DCAF12: variants seen among roughly 807,000 people sequenced by gnomAD.
The protein encoded by DCAF12 is DDB1- and CUL4-associated factor 12.
In DCAF12, 28 loss-of-function variants were observed where a neutral mutation model predicts 52.8. The observed-to-expected ratio is 0.53, with a 90% CI of 0.39 to 0.73. The LOEUF (loss-of-function observed/expected upper bound fraction) is 0.73. DCAF12 is among the 30% of genes least tolerant of loss of function. DCAF12 has a pLI of 0.00. For synonymous variants in DCAF12, 196 were observed against 215.5 expected, an observed-to-expected ratio of 0.91 and a Z score of 0.79; for missense variants, 425 against 552.2, an observed-to-expected ratio of 0.77 and a Z score of 2.31.
At chr9:34,114,659 G>A (rs1280770318) in intron 2 of DCAF12, among the ~76,000 whole-genome samples, 3 of 152,118 alleles carry the variant, frequency 2.0e-5, no homozygotes, top group African/African-American at 4.8e-5. Context: ...AACTAGCAGC[G>A]CGGCAAGGTA....
At chr9:34,091,749 C>T (rs968746443) in intron 7 of DCAF12, among the ~76,000 whole-genome samples, 1 of 151,696 alleles carries the variant, frequency 6.6e-6, no homozygotes, top group Non-Finnish European at 1.5e-5. Context: ...CTGCAATCCA[C>T]AGTGTGCCTT....
At chr9:34,092,461 G>A (rs1413768694) in intron 7 of DCAF12, among the ~76,000 whole-genome samples, 2 of 152,180 alleles carry the variant, frequency 1.3e-5, no homozygotes, top group African/African-American at 2.4e-5. Context: ...GCCGAGGTGG[G>A]TGGATCACAA....
chr9:34,111,483 T>C (rs1211206900), intron 2 of DCAF12, among the ~76,000 whole-genome samples: 1 of 152,238 alleles, frequency 6.6e-6, no homozygotes, highest in Non-Finnish European at 1.5e-5. Flanking sequence ...CATAAAGCTA[T>C]TAACTCTCTC....
At position 34,089,608 on chromosome 9, in the gene DCAF12, A is replaced by T. The variant is rs1828613554; in HGVS notation, c.1025-18T>A. 1 of 1,590,748 alleles carries T rather than the reference A, an allele frequency of 6.3e-7. No homozygotes were observed. Among genetic ancestry groups the T allele is most frequent in the Non-Finnish European group, 8.6e-7 (1 of 1,165,896 alleles). ...CCGGATTCCTGAAAGACAGAAAAGT[A>T]AAAGGCAGTGAGGCGGGAGAGAATA... On this transcript the variant is annotated intron_variant, in intron 7 of 8. Transcript: ENST00000361264.
At chr9:34,097,846 T>A (rs1200287427) in intron 5 of DCAF12, among the ~76,000 whole-genome samples, 1 of 151,660 alleles carries the variant, frequency 6.6e-6, no homozygotes, top group Non-Finnish European at 1.5e-5. Flanking sequence ...GGCAGAAGAA[T>A]TGCTTGAACC....
At chr9:34,120,683 A>C (rs1394932696) in intron 2 of DCAF12, among the ~76,000 whole-genome samples, 1 of 151,490 alleles carries the variant, frequency 6.6e-6, no homozygotes, top group Non-Finnish European at 1.5e-5. Flanking sequence ...AAAAAAAAAA[A>C]AAAAGAAAAC....
intron 2 of DCAF12, among the ~76,000 whole-genome samples, chr9:34,116,995 T>C (rs892886700): frequency 2.6e-5 from 4 of 152,122 alleles, no homozygotes; most frequent in African/African-American, 4.8e-5. Flanking sequence ...CAATCATCAA[T>C]CAGTCCACGT....
intron 2 of DCAF12, among the ~76,000 whole-genome samples, chr9:34,115,892 C>G (rs760726475): frequency 6.6e-6 from 1 of 152,084 alleles, no homozygotes; most frequent in African/African-American, 2.4e-5. Context: ...ATACCTTTAA[C>G]GGCGATAAGG....
At chr9:34,119,902 A>ACAT (rs1337693486) in intron 2 of DCAF12, among the ~76,000 whole-genome samples, 1 of 151,828 alleles carries the variant, frequency 6.6e-6, no homozygotes, top group Non-Finnish European at 1.5e-5. Context: ...GGGTCTCACT[A>ACAT]CATTGCCCAG....
At chr9:34,096,695 A>T (rs781307744) in intron 6 of DCAF12, 21 bp downstream of exon 6, 10 of 1,610,164 alleles carry the variant, frequency 6.2e-6, no homozygotes, top group Non-Finnish European at 8.5e-6. Context: ...AGGTAAAACC[A>T]CAAAATCATG....
chr9:34,097,331 G>A (rs574218993), intron 5 of DCAF12, among the ~76,000 whole-genome samples: 8 of 144,948 alleles, frequency 5.5e-5, no homozygotes, highest in Non-Finnish European at 1.0e-4. Flanking sequence ...GCGCAATTTC[G>A]GCTCACTGCC....
In DCAF12 at chr9:34,089,336, A is replaced by C; in HGVS notation, c.1203+76T>G. On this transcript the variant is annotated intron_variant, in intron 8 of 8. Transcript: ENST00000361264. Reference sequence around the variant, plus strand: ...AAAAAGTATGAGTAGATGGTGTGTCAGTGGGGGCTGAGAGATAGAGGAAGA... The same window carrying C: ...AAAAAGTATGAGTAGATGGTGTGTCCGTGGGGGCTGAGAGATAGAGGAAGA... The C allele has an allele frequency of 2.1e-6, 3 of 1,431,756 alleles. No homozygotes were observed. The Admixed American group carries it at 6.3e-5, about 30-fold the overall frequency. 88.7% of individuals were successfully genotyped at this position (1,431,756 alleles called of 1,614,324 possible). A position where few individuals can be genotyped will look rare whatever the true frequency, so the allele number is the denominator to read the frequency against.
chr9:34,101,150 T>C (rs2131431374), intron 4 of DCAF12, among the ~76,000 whole-genome samples: 1 of 151,230 alleles, frequency 6.6e-6, no homozygotes, highest in South Asian at 2.1e-4. Flanking sequence ...TGGCTCATTG[T>C]AGCCTCAACC....
chr9:34,099,340 G>A (rs193088320), intron 4 of DCAF12, among the ~76,000 whole-genome samples: 44 of 152,010 alleles, frequency 2.9e-4, no homozygotes, highest in African/African-American at 9.9e-4. Context: ...AGGTTCAAGC[G>A]ATTCTCCTGC....
In DCAF12 at chr9:34,093,477, G is replaced by C. The variant is rs761190056; in HGVS notation, c.862-29C>G. The stretch of plus-strand genomic sequence containing the variant: ...AAAATAGAGGAGAGATATAACCATG[G>C]CATCAGCAGAGAGGGTAAGGCAGGG... On this transcript the variant is annotated intron_variant, in intron 6 of 8. Transcript: ENST00000361264. 4.0e-5 allele frequency: 64 copies of C among 1,610,536 alleles called. No individual in the cohort carries two copies. The Admixed American group carries it at 4.2e-4, about 10-fold the overall frequency.
chr9:34,111,905 C>T (rs894658297), intron 2 of DCAF12, among the ~76,000 whole-genome samples: 2 of 151,708 alleles, frequency 1.3e-5, no homozygotes, highest in East Asian at 1.9e-4. Context: ...GAGGCTGAGG[C>T]GGGTGGATCA....
At chr9:34,098,924 T>C (rs902477943) in intron 4 of DCAF12, among the ~76,000 whole-genome samples, 1 of 145,800 alleles carries the variant, frequency 6.9e-6, no homozygotes, top group Non-Finnish European at 1.5e-5. Context: ...GCCTGCTCCA[T>C]GCCTGGCTAT....
chr9:34,088,152 A>G lies in DCAF12; in HGVS notation c.*198T>C, dbSNP rs1205129926. 8 of 454,066 alleles carry G rather than the reference A, an allele frequency of 1.8e-5. No homozygotes were observed. The South Asian group carries it at 2.0e-4, about 11-fold the overall frequency. The allele number at this position is 454,066 out of a possible 1,614,324, so 28.1% of individuals were successfully genotyped here. A position where few individuals can be genotyped will look rare whatever the true frequency, so the allele number is the denominator to read the frequency against. On this transcript the variant is annotated 3_prime_UTR_variant, in exon 9 of 9. Coordinates refer to ENST00000361264, the MANE Select transcript of DCAF12 (RefSeq NM_015397.4). The stretch of plus-strand genomic sequence containing the variant: ...AAAAGATAGTAAAATTTTGATTACC[A>G]AAGGGGAAAACAAAAAGCAAAACAA...
intron 4 of DCAF12, among the ~76,000 whole-genome samples, chr9:34,098,759 AATTT>A (rs1396124126): frequency 5.3e-5 from 8 of 152,268 alleles, no homozygotes; most frequent in African/African-American, 1.4e-4. Flanking sequence ...TGGTTGTTGA[AATTT>A]ATTTATTATT....
Sources: gnomAD v4.1 joint callset for allele counts (sites outside exome capture counted in the v4.1 genomes callset) on GRCh38, gnomAD v4.1.1 for gene constraint, MANE v1.5 for transcripts, NCBI Gene and HGNC (gene_info 2026-07-23, HGNC 2026-07-21) for gene names.